Variants in C16orf86 observed in about 807,000 individuals in gnomAD.
C16orf86 encodes the protein chromosome 16 open reading frame 86.
In C16orf86, 19 loss-of-function variants were observed where a neutral mutation model predicts 21.5. The observed-to-expected ratio is 0.88, with a 90% CI of 0.62 to 1.30. The LOEUF is 1.30. Ranked by LOEUF, C16orf86 falls within the 50% of genes most tolerant of loss-of-function variation. The probability of loss-of-function intolerance (pLI) is 0.00; values close to 1 mark genes in which losing one functional copy is unlikely to be tolerated. For synonymous variants in C16orf86, 188 were observed against 183.5 expected (o/e 1.02, Z -0.20); for missense variants, 391 against 415.8 (o/e 0.94, Z 0.52).
Position 67,667,901 on chromosome 16 carries a change from G to T in C16orf86, c.356G>T (p.Arg119Leu). 2 of 1,606,590 alleles carry T rather than the reference G, an allele frequency of 1.2e-6. No individual in the cohort carries two copies. Among genetic ancestry groups the T allele is most frequent in the Non-Finnish European group, 1.7e-6 (2 of 1,176,832 alleles). Residue 119 changes from arginine (R) to leucine (L), a missense_variant, in exon 3 of 4, where the codon CGT becomes CTT. By Grantham distance (102) the Arg-to-Leu change is moderately radical. Coordinates refer to ENST00000403458, the MANE Select transcript of C16orf86 (RefSeq NM_001012984.3). The part of the protein sequence containing the change: ...PVKSLSLPGL[R>L]AHLKAEAELP... ...AGGTCTCTCAGCCTCCCGGGCCTTC[G>T]TGCCCATCTTAAGGCTGAAGCTGAG...
chr16:67,667,757 C>G, intron 2 of C16orf86, 121 bp from the exon 3 acceptor site: 5 of 1,515,630 alleles, frequency 3.3e-6, no homozygotes, highest in Non-Finnish European at 2.6e-6. Flanking sequence ...CCTGGGGTCT[C>G]ATTGACCAGG....
chr16:67,667,012 G>A lies in C16orf86; in HGVS notation c.42G>A (p.Glu14=). ...CGGAGAGGCGGCCGGGGGTCCAGGA[G>A]GCGACGGTCGTGGGGCAGGGACAGC... The part of the protein sequence containing the change: ...AGAERRPGVQ[E]ATVVGQGQLT... The change falls in exon 1 of 4, where the codon GAG becomes GAA. Residue 14 remains glutamate (E), a synonymous_variant. Coordinates refer to ENST00000403458, the MANE Select transcript of C16orf86 (RefSeq NM_001012984.3). 1 of 1,453,166 alleles carries A rather than the reference G, an allele frequency of 6.9e-7. No homozygotes were observed. Among genetic ancestry groups the A allele is most frequent in the Non-Finnish European group, 9.0e-7 (1 of 1,110,306 alleles). 90.0% of individuals were successfully genotyped at this position (1,453,166 alleles called of 1,614,324 possible).
Position 67,668,678 on chromosome 16 carries a change from G to T in C16orf86, c.*78G>T. The T allele has an allele frequency of 7.3e-7, 1 of 1,371,972 alleles. No homozygotes were observed. Among genetic ancestry groups the T allele is most frequent in the Non-Finnish European group, 1.0e-6 (1 of 981,890 alleles). 85.0% of individuals were successfully genotyped at this position (1,371,972 alleles called of 1,614,324 possible). A position where few individuals can be genotyped will look rare whatever the true frequency, so the allele number is the denominator to read the frequency against. On this transcript the variant is annotated 3_prime_UTR_variant, in exon 4 of 4. Transcript: ENST00000403458. ...GGCTTCCTGTGGGCCTAGGCCCTCT[G>T]GTGGCGGGGGCAAATTTGGCACCTG...
Position 67,667,649 on chromosome 16 carries a change from C to T in C16orf86, c.332+124C>T, listed in dbSNP as rs753237873. ...GTCCCCAGCCACTACCATCACTCTC[C>T]TCCCGTTCCTCAAGAGCCCCCGTGT... On this transcript the variant is annotated intron_variant, in intron 2 of 3. Coordinates refer to ENST00000403458, the MANE Select transcript of C16orf86 (RefSeq NM_001012984.3). 3.3e-5 allele frequency: 51 copies of T among 1,542,412 alleles called. 1 individual carries two copies. In the South Asian group the frequency reaches 5.6e-4, roughly 17 times the overall value.
At position 67,667,663 on chromosome 16, in the gene C16orf86, G is replaced by A. The variant is rs1181181957; in HGVS notation, c.332+138G>A. 7.8e-6 allele frequency: 12 copies of A among 1,540,898 alleles called. No homozygotes were observed. The Admixed American group carries it at 2.4e-4, about 30-fold the overall frequency. On this transcript the variant is annotated intron_variant, in intron 2 of 3. Coordinates refer to ENST00000403458, the MANE Select transcript of C16orf86 (RefSeq NM_001012984.3). ...CCATCACTCTCCTCCCGTTCCTCAAGAGCCCCCGTGTAGGGAGCAGCAGGA... is the reference window on the plus strand; with the variant it reads ...CCATCACTCTCCTCCCGTTCCTCAAAAGCCCCCGTGTAGGGAGCAGCAGGA...
At chr16:67,667,178 G>A in intron 1 of C16orf86, 106 bp downstream of exon 1, 3 of 1,420,300 alleles carry the variant, frequency 2.1e-6, no homozygotes, top group South Asian at 1.2e-5. Flanking sequence ...TCCAGGCGGG[G>A]AGGGGCACAG....
chr16:67,667,267 G>T (rs968262288), intron 1 of C16orf86, 29 bp from the exon 2 acceptor site: 1 of 1,606,618 alleles, frequency 6.2e-7, no homozygotes, highest in Non-Finnish European at 8.5e-7. Flanking sequence ...CCCGGCCATG[G>T]TGACCGATGG....
At chr16:67,667,647 T>C in intron 2 of C16orf86, 122 bp downstream of exon 2, 1 of 1,542,274 alleles carries the variant, frequency 6.5e-7, no homozygotes, top group Non-Finnish European at 8.7e-7. Flanking sequence ...ACCATCACTC[T>C]CCTCCCGTTC....
rs776864875 is a variant in C16orf86 at position 67,667,420 on chromosome 16, G to T, written c.227G>T (p.Gly76Val). The change falls in exon 2 of 4, where the codon GGG (glycine) becomes GTG (valine). Residue 76 changes from glycine (G) to valine (V), a missense_variant. Transcript: ENST00000403458. ...SELQEEGPKL[G>V]EERPKPHAGA... ...CTCCAGGAGGAAGGACCCAAGCTGG[G>T]GGAGGAGCGGCCCAAGCCGCATGCC... 1.9e-6 allele frequency: 3 copies of T among 1,612,262 alleles called. No individual in the cohort carries two copies.
At chr16:67,667,623 C>G in intron 2 of C16orf86, 98 bp downstream of exon 2, 1 of 1,545,500 alleles carries the variant, frequency 6.5e-7, no homozygotes, top group Non-Finnish European at 8.7e-7. Context: ...GGAGGATTCT[C>G]GTCCCCAGCC....
In C16orf86 at chr16:67,667,914, G is replaced by A. The variant is rs1289799756; in HGVS notation, c.369G>A (p.Lys123=). ...LSLPGLRAHL[K]AEAELPPKLP... ...TCCCGGGCCTTCGTGCCCATCTTAA[G>A]GCTGAAGCTGAGCTGCCACCCAAGC... The change falls in exon 3 of 4, where the codon AAG becomes AAA. Residue 123 remains lysine, a synonymous_variant. Coordinates refer to ENST00000403458, the MANE Select transcript of C16orf86 (RefSeq NM_001012984.3). 1 of 1,611,550 alleles carries A rather than the reference G, an allele frequency of 6.2e-7. No individual in the cohort carries two copies. Among genetic ancestry groups the A allele is most frequent in the Non-Finnish European group, 8.5e-7 (1 of 1,179,186 alleles).
chr16:67,667,932 A>T lies in C16orf86; in HGVS notation c.387A>T (p.Pro129=). 1 of 1,612,816 alleles carries T rather than the reference A, an allele frequency of 6.2e-7. No individual in the cohort carries two copies. Among genetic ancestry groups the T allele is most frequent in the African/African-American group, 1.3e-5 (1 of 75,032 alleles). ...RAHLKAEAEL[P]PKLPLQEEEP... is the part of the protein sequence containing the mutation. ...ATCTTAAGGCTGAAGCTGAGCTGCC[A>T]CCCAAGCTGCCGCTGCAGGAGGAGG... The change falls in exon 3 of 4, where the codon CCA becomes CCT. Residue 129 remains proline (P), a synonymous_variant. Coordinates refer to ENST00000403458, the MANE Select transcript of C16orf86 (RefSeq NM_001012984.3).
At position 67,668,512 on chromosome 16, in the gene C16orf86, T is replaced by A; in HGVS notation, c.866T>A (p.Val289Glu). 6.2e-7 allele frequency: 1 copy of A among 1,613,228 alleles called. No individual in the cohort carries two copies. Among genetic ancestry groups the A allele is most frequent in the Non-Finnish European group, 8.5e-7 (1 of 1,179,854 alleles). The change falls in exon 4 of 4, where the codon GTG (valine) becomes GAG (glutamate). Residue 289 changes from valine to glutamate, a missense_variant. Coordinates refer to ENST00000403458, the MANE Select transcript of C16orf86 (RefSeq NM_001012984.3). The stretch of plus-strand genomic sequence containing the variant: ...GGGGTGAGTGACCACAAGGCCGAGG[T>A]GGATAAGTCAACCCAGGTGGACATC... The part of the protein sequence containing the change: ...SLGVSDHKAE[V>E]DKSTQVDIDK...
chr16:67,668,323 C>G lies in C16orf86; in HGVS notation c.677C>G (p.Pro226Arg). 2 of 1,612,742 alleles carry G rather than the reference C, an allele frequency of 1.2e-6. No homozygotes were observed. The highest frequency in any genetic ancestry group is 4.5e-5 in the East Asian group (2 of 44,888). Residue 226 changes from proline to arginine, a missense_variant, in exon 4 of 4, where the codon CCC (proline) becomes CGC (arginine). Coordinates refer to ENST00000403458, the MANE Select transcript of C16orf86 (RefSeq NM_001012984.3). Reference sequence around the variant, plus strand: ...GCAGAGGCAGAGCTGGCCCCGGTTCCCGAGGAGGGAGGTGTGGAGCAACTG... The same window carrying G: ...GCAGAGGCAGAGCTGGCCCCGGTTCGCGAGGAGGGAGGTGTGGAGCAACTG... The part of the protein sequence containing the change: ...VEAEAELAPV[P>R]EEGGVEQLQA...
chr16:67,668,225 G>A lies in C16orf86; in HGVS notation c.579G>A (p.Leu193=). 1 of 1,586,830 alleles carries A rather than the reference G, an allele frequency of 6.3e-7. No homozygotes were observed. The highest frequency in any genetic ancestry group is 8.6e-7 in the Non-Finnish European group (1 of 1,165,462). The part of the protein sequence containing the change: ...LERKAQRLRP[L]YQYVNYCNPE... ...GAAAGGCCCAGCGCCTGCGGCCGCT[G>A]TACCAGTACGTCAACTATTGCAACC... is the stretch of plus-strand genomic sequence containing the variant. Residue 193 remains leucine (L), a synonymous_variant, in exon 4 of 4, where the codon CTG becomes CTA. Coordinates refer to ENST00000403458, the MANE Select transcript of C16orf86 (RefSeq NM_001012984.3).
Position 67,668,387 on chromosome 16 carries a change from C to A in C16orf86, c.741C>A (p.Gly247=). 6.2e-7 allele frequency: 1 copy of A among 1,612,588 alleles called. No homozygotes were observed. Among genetic ancestry groups the A allele is most frequent in the Non-Finnish European group, 8.5e-7 (1 of 1,179,804 alleles). ...CCTTGGCAGGTGAGCTGGGCCCAGG[C>A]CTCGCTTTGCCCTGTCCCAGTCCAC... ...LLPLAGELGP[G]LALPCPSPLV... Residue 247 remains glycine (G), a synonymous_variant, in exon 4 of 4, where the codon GGC becomes GGA. Transcript: ENST00000403458.
At chr16:67,667,115 G>A (rs1424070259) in intron 1 of C16orf86, 43 bp downstream of exon 1, 1 of 1,456,654 alleles carries the variant, frequency 6.9e-7, no homozygotes, top group Non-Finnish European at 9.2e-7. Context: ...GGGCCGCAGC[G>A]CTCTGAGAGG....
intron 2 of C16orf86, 125 bp from the exon 3 acceptor site, chr16:67,667,753 G>A (rs1335926327): frequency 6.6e-7 from 1 of 1,515,768 alleles, no homozygotes; most frequent in East Asian, 2.5e-5. Flanking sequence ...TGGGCCTGGG[G>A]TCTCATTGAC....
At position 67,667,387 on chromosome 16, in the gene C16orf86, A is replaced by T. The variant is rs373396418; in HGVS notation, c.194A>T (p.Glu65Val). Residue 65 changes from glutamate to valine, a missense_variant, in exon 2 of 4, where the codon GAG becomes GTG. Transcript: ENST00000403458. ...CAGCGCCCAGCAGGCGCAGCTTCGG[A>T]GTCGGAGCTCCAGGAGGAAGGACCC... ...EDQRPAGAAS[E>V]SELQEEGPKL... The T allele has an allele frequency of 6.2e-7, 1 of 1,612,472 alleles. No homozygotes were observed. Among genetic ancestry groups the T allele is most frequent in the African/African-American group, 1.3e-5 (1 of 74,924 alleles).
Sources: gnomAD v4.1 joint callset for allele counts on GRCh38, gnomAD v4.1.1 for gene constraint, MANE v1.5 for transcripts, NCBI Gene and HGNC (gene_info 2026-07-23, HGNC 2026-07-21) for gene names.